Variants in CCSER1 observed in about 807,000 individuals in gnomAD.
CCSER1 encodes the protein coiled-coil serine rich protein 1, also known as serine-rich coiled-coil domain-containing protein 1.
In CCSER1, 41 loss-of-function variants were observed where a neutral mutation model predicts 82.0. That is an observed-to-expected ratio of 0.50 (90% CI 0.39 to 0.65). The LOEUF is 0.65. Among genes scored for constraint, CCSER1 ranks in the 30% least tolerant of loss-of-function variants. CCSER1 has a pLI of 0.00. For missense variants in CCSER1, 1,119 were observed against 1,064.2 expected (o/e 1.05, Z -0.72); for synonymous variants, 414 against 383.9 (o/e 1.08, Z -0.92).
At chr4:91,332,630 A>G (rs1422218315) in intron 10 of CCSER1, among the ~76,000 whole-genome samples, 3 of 152,018 alleles carry the variant, frequency 2.0e-5, no homozygotes, top group African/African-American at 7.2e-5. Context: ...CAGCGCTACA[A>G]AAGGAGGTAG....
intron 10 of CCSER1, among the ~76,000 whole-genome samples, chr4:91,416,520 A>T (rs375674281): frequency 1.3e-5 from 2 of 152,156 alleles, no homozygotes; most frequent in African/African-American, 4.8e-5. Flanking sequence ...AGGCCAATGT[A>T]ACAGAATAGA....
chr4:90,144,634 C>T (rs1227168866), intron 1 of CCSER1, among the ~76,000 whole-genome samples: 1 of 152,080 alleles, frequency 6.6e-6, no homozygotes, highest in Non-Finnish European at 1.5e-5. Context: ...TCATTAATAA[C>T]AACTGGATTC....
intron 10 of CCSER1, among the ~76,000 whole-genome samples, chr4:91,395,349 G>A (rs879286527): frequency 6.6e-6 from 1 of 152,088 alleles, no homozygotes. Flanking sequence ...AGAGAGTGCA[G>A]CCATTATGTG....
chr4:90,870,085 G>C (rs1045283425), intron 8 of CCSER1, among the ~76,000 whole-genome samples: 3 of 151,660 alleles, frequency 2.0e-5, no homozygotes, highest in African/African-American at 7.2e-5. Flanking sequence ...CAGTTTGATT[G>C]TTTTTAGTGG....
intron 8 of CCSER1, among the ~76,000 whole-genome samples, chr4:90,885,347 G>A (rs1239289447): frequency 6.6e-6 from 1 of 152,140 alleles, no homozygotes; most frequent in Non-Finnish European, 1.5e-5. Context: ...GAATATTGAA[G>A]ACTGTTGAAA....
At chr4:90,978,792 A>G (rs1735840825) in intron 9 of CCSER1, among the ~76,000 whole-genome samples, 1 of 151,740 alleles carries the variant, frequency 6.6e-6, no homozygotes, top group African/African-American at 2.4e-5. Context: ...CATTGATGGG[A>G]ATTGTTTATG....
chr4:91,145,803 T>C (rs188135333), intron 10 of CCSER1, among the ~76,000 whole-genome samples: 26 of 152,270 alleles, frequency 1.7e-4, no homozygotes, highest in Admixed American at 1.6e-3. Flanking sequence ...GCTTTTAAGG[T>C]TCAAGCCAAG....
intron 10 of CCSER1, among the ~76,000 whole-genome samples, chr4:91,567,263 A>G (rs984792428): frequency 2.6e-5 from 4 of 151,876 alleles, no homozygotes; most frequent in African/African-American, 9.7e-5. Context: ...GTGTGATTAC[A>G]TTTCTTTTAC....
intron 5 of CCSER1, among the ~76,000 whole-genome samples, chr4:90,575,902 G>C (rs912893651): frequency 6.6e-6 from 1 of 151,888 alleles, no homozygotes; most frequent in Non-Finnish European, 1.5e-5. Flanking sequence ...TCATTCTCTG[G>C]AGGCTCTGCT....
chr4:90,886,705 C>G (rs534075279), intron 8 of CCSER1, among the ~76,000 whole-genome samples: 1 of 152,080 alleles, frequency 6.6e-6, no homozygotes, highest in Non-Finnish European at 1.5e-5. Context: ...AAAGTTGAAA[C>G]GCAAAGAGGT....
chr4:91,345,605 C>T (rs542144735), intron 10 of CCSER1, among the ~76,000 whole-genome samples: 2 of 152,112 alleles, frequency 1.3e-5, no homozygotes, highest in African/African-American at 2.4e-5. Flanking sequence ...CCATGCCCCA[C>T]TGTTTCCCTG....
At chr4:91,021,379 A>G (rs1739949844) in intron 9 of CCSER1, among the ~76,000 whole-genome samples, 1 of 152,178 alleles carries the variant, frequency 6.6e-6, no homozygotes, top group African/African-American at 2.4e-5. Flanking sequence ...TTTGTAAAAA[A>G]TACAGACACT....
In CCSER1 at chr4:91,503,095, C is replaced by T. The variant is rs1032128081; in HGVS notation, c.2218-95477C>T. Among the ~76,000 whole-genome samples, 3 of 152,196 alleles carry T rather than the reference C, an allele frequency of 2.0e-5. No individual in the cohort carries two copies. In the East Asian group the frequency reaches 5.8e-4, roughly 29 times the overall value. On this transcript the variant is annotated intron_variant, in intron 10 of 10. Transcript: ENST00000509176. ...CGGTGGCTCACGCCTGTAATCCCAG[C>T]ACTTTGGGAGGCCGAGGCGGGCGGA...
intron 10 of CCSER1, among the ~76,000 whole-genome samples, chr4:91,371,695 T>A (rs574406004): frequency 6.6e-6 from 1 of 152,280 alleles, no homozygotes; most frequent in Admixed American, 6.5e-5. Context: ...TGTAACAGAG[T>A]TAATAATTTT....
chr4:91,167,614 G>A (rs1274504797), intron 10 of CCSER1, among the ~76,000 whole-genome samples: 1 of 152,032 alleles, frequency 6.6e-6, no homozygotes, highest in South Asian at 2.1e-4. Context: ...CATTTTTTTG[G>A]ACAGTTTGAG....
intron 1 of CCSER1, among the ~76,000 whole-genome samples, chr4:90,205,814 A>G (rs1738698946): frequency 6.6e-6 from 1 of 152,146 alleles, no homozygotes; most frequent in Admixed American, 6.5e-5. Flanking sequence ...TCGGCTATGA[A>G]TCCATCTGGT....
At chr4:91,353,523 T>C (rs1462930478) in intron 10 of CCSER1, among the ~76,000 whole-genome samples, 3 of 152,226 alleles carry the variant, frequency 2.0e-5, no homozygotes, top group African/African-American at 7.2e-5. Flanking sequence ...TTTACTTCCT[T>C]GTTGTTTTTT....
chr4:91,059,474 T>A (rs567907370), intron 9 of CCSER1, among the ~76,000 whole-genome samples: 4 of 147,360 alleles, frequency 2.7e-5, no homozygotes, highest in Non-Finnish European at 6.0e-5. Flanking sequence ...TATATATATA[T>A]AAGTCTCCAA....
chr4:91,347,354 G>T (rs1157313868), intron 10 of CCSER1, among the ~76,000 whole-genome samples: 2 of 151,960 alleles, frequency 1.3e-5, no homozygotes, highest in Non-Finnish European at 2.9e-5. Flanking sequence ...ACACTGTCTT[G>T]ATTACTGTAA....
Sources: allele counts gnomAD v4.1 joint callset (sites outside exome capture counted in the v4.1 genomes callset), GRCh38; gene constraint gnomAD v4.1.1; transcripts MANE v1.5; gene names NCBI Gene and HGNC (gene_info 2026-07-23, HGNC 2026-07-21).